Variants in CTNND2 observed in about 807,000 individuals in gnomAD.
CTNND2 encodes catenin delta 2, also known as catenin delta-2.
A neutral mutation model predicts 144.4 loss-of-function variants in CTNND2; 22 were observed. That is an observed-to-expected ratio of 0.15 (90% confidence interval 0.11 to 0.22). CTNND2 has a LOEUF of 0.22. Among genes scored for constraint, CTNND2 ranks in the 10% least tolerant of loss-of-function variants. The pLI is 1.00. For synonymous variants in CTNND2, 751 were observed against 695.6 expected, an observed-to-expected ratio of 1.08 and a Z score of -1.25; for missense variants, 1,353 against 1,618.8, an observed-to-expected ratio of 0.84 and a Z score of 2.82.
At chr5:11,845,981 A>G (rs1320427551) in intron 1 of CTNND2, among the ~76,000 whole-genome samples, 1 of 152,184 alleles carries the variant, frequency 6.6e-6, no homozygotes, top group Non-Finnish European at 1.5e-5. Flanking sequence ...ACATCCCTGG[A>G]ACATAAATCA....
intron 1 of CTNND2, among the ~76,000 whole-genome samples, chr5:11,793,787 A>C (rs1481092719): frequency 1.3e-5 from 2 of 152,080 alleles, no homozygotes; most frequent in East Asian, 3.9e-4. Flanking sequence ...GCCCTAGAAA[A>C]CTCATAGAGT....
chr5:11,470,954 G>GTATATATA (rs71595821), intron 3 of CTNND2, among the ~76,000 whole-genome samples: 948 of 63,152 alleles, frequency 0.015, 32 homozygotes, highest in African/African-American at 0.027. Context: ...TTGATACAAA[G>GTATATATA]TATATATATA....
intron 3 of CTNND2, among the ~76,000 whole-genome samples, chr5:11,551,432 CT>C (rs70949326): frequency 0.013 from 1,339 of 100,842 alleles, 3 homozygotes; most frequent in East Asian, 0.036. Context: ...TTTCTTTTTT[CT>C]TTTTTTTTTT....
chr5:11,684,293 G>A (rs1784549458), intron 2 of CTNND2, among the ~76,000 whole-genome samples: 1 of 151,706 alleles, frequency 6.6e-6, no homozygotes, highest in African/African-American at 2.4e-5. Flanking sequence ...TAGTGGAGAC[G>A]GGGTTTCACC....
chr5:11,236,025 T>C (rs1741597849), intron 10 of CTNND2, among the ~76,000 whole-genome samples: 1 of 152,226 alleles, frequency 6.6e-6, no homozygotes. Flanking sequence ...TCTAAAAAAC[T>C]TAGATTTGGC....
At chr5:11,405,965 A>G (rs565913490) in intron 5 of CTNND2, among the ~76,000 whole-genome samples, 9 of 152,266 alleles carry the variant, frequency 5.9e-5, no homozygotes, top group Admixed American at 3.9e-4. Context: ...CCTGACCAAC[A>G]TGGTGAAACC....
At chr5:11,863,160 TGAAAA>T (rs1359172868) in intron 1 of CTNND2, among the ~76,000 whole-genome samples, 2 of 152,234 alleles carry the variant, frequency 1.3e-5, no homozygotes, top group African/African-American at 4.8e-5. Flanking sequence ...TTTTTCTTTA[TGAAAA>T]GAAATTATGT....
chr5:11,702,888 A>G (rs1785516924), intron 2 of CTNND2, among the ~76,000 whole-genome samples: 1 of 152,232 alleles, frequency 6.6e-6, no homozygotes, highest in Non-Finnish European at 1.5e-5. Flanking sequence ...TCAAAGAGCC[A>G]AGCTCTCTAC....
intron 2 of CTNND2, among the ~76,000 whole-genome samples, chr5:11,614,057 T>A (rs115720339): frequency 0.015 from 2,230 of 152,290 alleles, 58 homozygotes; most frequent in African/African-American, 0.051. Context: ...CAATAAAAAA[T>A]TTTGAAAATT....
intron 3 of CTNND2, among the ~76,000 whole-genome samples, chr5:11,419,444 T>C (rs1172920901): frequency 6.6e-6 from 1 of 152,206 alleles, no homozygotes; most frequent in Admixed American, 6.5e-5. Flanking sequence ...TTCTGAAATA[T>C]ATAATTACAA....
At chr5:11,778,729 T>C (rs1176744139) in intron 1 of CTNND2, among the ~76,000 whole-genome samples, 1 of 152,198 alleles carries the variant, frequency 6.6e-6, no homozygotes, top group Non-Finnish European at 1.5e-5. Context: ...AGGAAAAGGA[T>C]ACTGGAGAAA....
chr5:11,597,413 G>A (rs1779565822), intron 2 of CTNND2, among the ~76,000 whole-genome samples: 1 of 152,044 alleles, frequency 6.6e-6, no homozygotes. Context: ...TGATTCCTTG[G>A]TATTTCAAAG....
chr5:11,434,586 C>G (rs1159893998), intron 3 of CTNND2, among the ~76,000 whole-genome samples: 1 of 152,014 alleles, frequency 6.6e-6, no homozygotes, highest in Non-Finnish European at 1.5e-5. Flanking sequence ...TGTACTGATG[C>G]CTGTGACTTT....
At chr5:11,459,301 A>AT (rs201987962) in intron 3 of CTNND2, among the ~76,000 whole-genome samples, 2,861 of 152,260 alleles carry the variant, frequency 0.019, 48 homozygotes, top group Middle Eastern at 0.14. Flanking sequence ...AGAGTTCTAG[A>AT]TTTTCATTTA....
chr5:11,819,891 C>T (rs1793221300), intron 1 of CTNND2, among the ~76,000 whole-genome samples: 1 of 152,156 alleles, frequency 6.6e-6, no homozygotes, highest in African/African-American at 2.4e-5. Flanking sequence ...GTTAGTGATT[C>T]TCTTCTTGCA....
At chr5:11,142,878 C>A (rs1242488079) in intron 12 of CTNND2, among the ~76,000 whole-genome samples, 1 of 152,096 alleles carries the variant, frequency 6.6e-6, no homozygotes, top group Non-Finnish European at 1.5e-5. Flanking sequence ...TCCCAAAGTG[C>A]TGGGATTACA....
At chr5:11,226,353 C>T (rs576117906) in intron 10 of CTNND2, among the ~76,000 whole-genome samples, 28 of 152,304 alleles carry the variant, frequency 1.8e-4, no homozygotes, top group African/African-American at 5.8e-4. Flanking sequence ...GCTGTCCACC[C>T]GCTTTACTGT....
rs1440291448 is a variant in CTNND2, at chr5:11,017,969, C to T, written c.3084+5G>A. On this transcript the variant is annotated splice_donor_5th_base_variant and intron_variant, in intron 18 of 21. Coordinates refer to ENST00000304623, the MANE Select transcript of CTNND2 (RefSeq NM_001332.4). ...GACTCAGGGCCCAGGTGAAGCCAGC[C>T]TTACCTTTTTGTAGAGACTCCTCAG... 1.2e-6 allele frequency: 2 copies of T among 1,612,216 alleles called. No homozygotes were observed. Among genetic ancestry groups the T allele is most frequent in the Admixed American group, 1.7e-5 (1 of 59,976 alleles).
intron 3 of CTNND2, among the ~76,000 whole-genome samples, chr5:11,471,870 G>A (rs1767264903): frequency 6.6e-6 from 1 of 152,152 alleles, no homozygotes; most frequent in Non-Finnish European, 1.5e-5. Context: ...AAAAGAATTT[G>A]AATTTGGTAC....
Sources: allele counts gnomAD v4.1 joint callset (sites outside exome capture counted in the v4.1 genomes callset), GRCh38; gene constraint gnomAD v4.1.1; transcripts MANE v1.5; gene names NCBI Gene and HGNC (gene_info 2026-07-23, HGNC 2026-07-21).